Variants in NLRP5 observed in about 807,000 individuals in gnomAD.
NLRP5 encodes NLR family pyrin domain containing 5.
NLRP5 carries 93 observed loss-of-function variants against 113.1 expected under a neutral mutation model. The observed-to-expected ratio is 0.82, with a 90% CI of 0.70 to 0.98. The LOEUF is 0.98. NLRP5 is among the 50% of genes least tolerant of loss of function. NLRP5 has a pLI of 0.00. For synonymous variants in NLRP5, 751 were observed against 600.7 expected, an observed-to-expected ratio of 1.25 and a Z score of -3.66; for missense variants, 1,808 against 1,514.3, an observed-to-expected ratio of 1.19 and a Z score of -3.22.
chr19:56,027,908 T>A lies in NLRP5; in HGVS notation c.1675T>A (p.Ser559Thr). 6.2e-7 allele frequency: 1 copy of A among 1,613,432 alleles called. No homozygotes were observed. The highest frequency in any genetic ancestry group is 8.5e-7 in the Non-Finnish European group (1 of 1,179,784). The change falls in exon 7 of 15, where the codon TCT becomes ACT. Residue 559 changes from serine to threonine, a missense_variant. Physicochemically the swap from Ser to Thr is moderately conservative, Grantham distance 58 (BLOSUM62 1). Transcript: ENST00000390649. ...CCTCATGGTTCAAGGACTCGGGGAG[T>A]CTGAGCTCCGTGCTCTGTTTCACAT...
chr19:56,027,345 T>G lies in NLRP5; in HGVS notation c.1112T>G (p.Leu371Arg). The change falls in exon 7 of 15, where the codon CTC (leucine) becomes CGC (arginine). Residue 371 changes from leucine to arginine, a missense_variant. Leu to Arg is a moderately radical substitution (Grantham distance 102, BLOSUM62 -2). Coordinates refer to ENST00000390649, the MANE Select transcript of NLRP5 (RefSeq NM_153447.4). ...GGTTTCGATGACCTGGGCTCTGTCC[T>G]CAACAATGACACAAAGCTCTGCAAA... The G allele has an allele frequency of 1.2e-6, 2 of 1,613,168 alleles. No individual in the cohort carries two copies. Among genetic ancestry groups the G allele is most frequent in the Non-Finnish European group, 1.7e-6 (2 of 1,179,816 alleles).
chr19:56,048,839 C>G (rs1046404352), intron 11 of NLRP5, among the ~76,000 whole-genome samples: 2 of 151,648 alleles, frequency 1.3e-5, no homozygotes, highest in African/African-American at 4.8e-5. Flanking sequence ...TCTTTTTTCT[C>G]AGGAATACCA....
rs1234852044 is a variant in NLRP5 at position 56,053,716 on chromosome 19, C to G, written c.3207C>G (p.Ser1069Arg). ...TCTCGAGGAGCAGACACCTGAAGAG[C>G]CTGGATCTCACGGACAATGCCCTGG... The change falls in exon 13 of 15, where the codon AGC (serine) becomes AGG (arginine). Residue 1069 changes from serine (S) to arginine (R), a missense_variant. Physicochemically the swap from Ser to Arg is moderately radical, Grantham distance 110. Coordinates refer to ENST00000390649, the MANE Select transcript of NLRP5 (RefSeq NM_153447.4). 7 of 1,613,770 alleles carry G rather than the reference C, an allele frequency of 4.3e-6. No homozygotes were observed. In the South Asian group the frequency reaches 7.7e-5, roughly 18 times the overall value.
the NLRP5 span, among the ~76,000 whole-genome samples, chr19:55,987,135 G>A: frequency 3.3e-5 from 5 of 152,212 alleles, no homozygotes; most frequent in East Asian, 1.9e-4. Flanking sequence ...TTGGGAGGCC[G>A]AGGCAGGTGG....
In NLRP5 at chr19:56,040,920, A is replaced by G. The variant is rs1315982520; in HGVS notation, c.2787-2A>G. On this transcript the variant is annotated splice_acceptor_variant, in intron 10 of 14. Coordinates refer to ENST00000390649, the MANE Select transcript of NLRP5 (RefSeq NM_153447.4). LOFTEE classifies it high-confidence loss of function. The stretch of plus-strand genomic sequence containing the variant: ...GTCCTCTCTGGGGCTCTCTTCTTGC[A>G]GACTGGAGGACTGTGGCATCACAGC... 1 of 1,613,014 alleles carries G rather than the reference A, an allele frequency of 6.2e-7. No homozygotes were observed. Among genetic ancestry groups the G allele is most frequent in the East Asian group, 2.2e-5 (1 of 44,872 alleles).
At chr19:56,009,815 A>C (rs953497199) in intron 3 of NLRP5, among the ~76,000 whole-genome samples, 2 of 152,154 alleles carry the variant, frequency 1.3e-5, no homozygotes, top group African/African-American at 4.8e-5. Context: ...CCTCGTTTTG[A>C]TGGAGCTTTG....
intron 11 of NLRP5, among the ~76,000 whole-genome samples, chr19:56,049,631 G>C (rs926018003): frequency 6.6e-6 from 1 of 152,076 alleles, no homozygotes; most frequent in Non-Finnish European, 1.5e-5. Flanking sequence ...TCTTCTACTT[G>C]TTCAATTCTA....
chr19:56,004,386 C>T (rs922106385), intron 2 of NLRP5, among the ~76,000 whole-genome samples: 1 of 152,156 alleles, frequency 6.6e-6, no homozygotes, highest in Non-Finnish European at 1.5e-5. Flanking sequence ...GGCGCTATCA[C>T]GGGTCGGTTG....
At chr19:56,006,238 A>C (rs1981904791) in intron 2 of NLRP5, among the ~76,000 whole-genome samples, 1 of 152,064 alleles carries the variant, frequency 6.6e-6, no homozygotes, top group Admixed American at 6.6e-5. Context: ...AAACGCTTGG[A>C]CACAGGAAGG....
At chr19:56,011,418 G>T (rs913562111) in intron 3 of NLRP5, among the ~76,000 whole-genome samples, 3 of 152,076 alleles carry the variant, frequency 2.0e-5, no homozygotes, top group African/African-American at 7.2e-5. Flanking sequence ...AAATTGTACT[G>T]ATGGTTACAA....
At chr19:56,020,335 A>G in intron 5 of NLRP5, 40 bp from the exon 6 acceptor site, 1 of 1,611,526 alleles carries the variant, frequency 6.2e-7, no homozygotes, top group Non-Finnish European at 8.5e-7. Context: ...CTCTGACTCG[A>G]ATAATAAACA....
At chr19:56,040,401 C>G (rs1983474706) in intron 10 of NLRP5, among the ~76,000 whole-genome samples, 1 of 152,082 alleles carries the variant, frequency 6.6e-6, no homozygotes, top group Non-Finnish European at 1.5e-5. Context: ...AGCCCTGTCT[C>G]TACCATAAAT....
chr19:56,055,606 C>G (rs372955799), intron 13 of NLRP5, among the ~76,000 whole-genome samples: 1 of 127,750 alleles, frequency 7.8e-6, no homozygotes, highest in South Asian at 2.7e-4. Context: ...AGTGCAGTGG[C>G]GCGATCTCAG....
chr19:55,994,408 T>C, the NLRP5 span, among the ~76,000 whole-genome samples: 2 of 152,184 alleles, frequency 1.3e-5, no homozygotes, highest in Admixed American at 1.3e-4. Context: ...CGGGGTTTTT[T>C]TGGGAGGGGG....
chr19:56,048,689 G>C (rs906593527), intron 11 of NLRP5, among the ~76,000 whole-genome samples: 1 of 152,106 alleles, frequency 6.6e-6, no homozygotes, highest in Non-Finnish European at 1.5e-5. Flanking sequence ...TGATGACAAT[G>C]TGCCTAGGTG....
chr19:56,053,812 A>G lies in NLRP5; in HGVS notation c.3299+4A>G. 2 of 1,612,374 alleles carry G rather than the reference A, an allele frequency of 1.2e-6. No homozygotes were observed. Among genetic ancestry groups the G allele is most frequent in the African/African-American group, 1.3e-5 (1 of 74,998 alleles). On this transcript the variant is annotated splice_donor_region_variant and intron_variant, in intron 13 of 14. Transcript: ENST00000390649. ...ACAGTGTTCTGGCGAGACTCGGGTAACTTCCTGGGGCGCCTCTTTGCGGGC... is the reference window on the plus strand; with the variant it reads ...ACAGTGTTCTGGCGAGACTCGGGTAGCTTCCTGGGGCGCCTCTTTGCGGGC...
chr19:56,020,542 T>C (rs2123293645), intron 6 of NLRP5, 111 bp downstream of exon 6: 16 of 1,248,232 alleles, frequency 1.3e-5, no homozygotes, highest in South Asian at 1.4e-5. Flanking sequence ...CTTTCTTCAA[T>C]CTCATTTGTC....
In NLRP5 at chr19:56,021,051, T is replaced by C. The variant is rs569468199; in HGVS notation, c.679+620T>C. ...CATGCCCGACTAATTTTTGTATTTT[T>C]AGTAGAGATGGGGTTTCACCATATT... is the stretch of plus-strand genomic sequence containing the variant. On this transcript the variant is annotated intron_variant, in intron 6 of 14. Coordinates refer to ENST00000390649, the MANE Select transcript of NLRP5 (RefSeq NM_153447.4). 1.4e-3 allele frequency among the ~76,000 whole-genome samples: 210 copies of C among 152,178 alleles called. 1 individual carries two copies. Among genetic ancestry groups the C allele is most frequent in the Non-Finnish European group, 2.2e-3 (148 of 68,012 alleles).
chr19:56,027,610 G>C lies in NLRP5; in HGVS notation c.1377G>C (p.Met459Ile), dbSNP rs471979. 190,251 of 1,613,570 alleles carry C rather than the reference G, an allele frequency of 0.12. 12,161 individuals are homozygous for C. The highest frequency in any genetic ancestry group is 0.23 in the South Asian group (21,189 of 91,070). ...AGACACAAGGGTTGCGTGCGATCAT[G>C]AACAACCGTGAGCTGCTCGACCAGT... is the stretch of plus-strand genomic sequence containing the variant. The change falls in exon 7 of 15, where the codon ATG (methionine) becomes ATC (isoleucine). Residue 459 changes from methionine to isoleucine, a missense_variant. Met to Ile is a conservative substitution (Grantham distance 10). Transcript: ENST00000390649.
Sources: allele counts gnomAD v4.1 joint callset (sites outside exome capture counted in the v4.1 genomes callset), GRCh38; gene constraint gnomAD v4.1.1; transcripts MANE v1.5; gene names NCBI Gene and HGNC (gene_info 2026-07-23, HGNC 2026-07-21).